FREM2: variants seen among roughly 807,000 people sequenced by gnomAD.
FREM2 encodes FRAS1-related extracellular matrix protein 2.
FREM2 carries 119 observed loss-of-function variants against 219.9 expected under a neutral mutation model. The ratio of observed to expected loss-of-function variants is 0.54; its 90% CI spans 0.47 to 0.63. FREM2 has a LOEUF of 0.63. Ranked by LOEUF, FREM2 falls within the 30% of genes least tolerant of loss-of-function variation. The pLI is 0.00. For missense variants in FREM2, 4,030 were observed against 3,993.6 expected, an observed-to-expected ratio of 1.01 and a Z score of -0.25; for synonymous variants, 1,562 against 1,522.8, an observed-to-expected ratio of 1.03 and a Z score of -0.60.
chr13:38,769,081 A>G (rs1593395496), intron 3 of FREM2, among the ~76,000 whole-genome samples: 1 of 152,328 alleles, frequency 6.6e-6, no homozygotes, highest in Non-Finnish European at 1.5e-5. Context: ...AGAGAATACT[A>G]TCACTTTTTA....
At chr13:38,821,573 G>C (rs1034201089) in intron 6 of FREM2, 2 of 151,890 alleles carry the variant, frequency 1.3e-5, no homozygotes, top group African/African-American at 4.8e-5. Flanking sequence ...TAAGAAACAG[G>C]TCTTTTTTCT....
At chr13:38,766,036 A>G (rs533052352) in intron 3 of FREM2, among the ~76,000 whole-genome samples, 2 of 152,334 alleles carry the variant, frequency 1.3e-5, no homozygotes, top group East Asian at 1.9e-4. Flanking sequence ...CATGGGGAAA[A>G]TGATAACTAA....
chr13:38,742,671 T>A (rs1410186377), intron 2 of FREM2, among the ~76,000 whole-genome samples: 1 of 152,200 alleles, frequency 6.6e-6, no homozygotes, highest in Non-Finnish European at 1.5e-5. Flanking sequence ...GGACTGTAAT[T>A]TTTTGTGGGG....
intron 15 of FREM2, 151 bp downstream of exon 15, chr13:38,861,713 G>A: frequency 1.2e-6 from 1 of 853,972 alleles, no homozygotes; most frequent in Non-Finnish European, 1.9e-6. Context: ...AACTGTTTTA[G>A]CTTTGTTCTA....
rs1869760433 is a variant in FREM2, at chr13:38,690,190, C to T, written c.2846C>T (p.Thr949Ile). ...EVPILSHPTG[T>I]LESYLDVLEN... is the part of the protein sequence containing the mutation. Reference sequence around the variant, plus strand: ...CCCATACTGAGCCATCCTACTGGCACTCTGGAGTCCTATCTAGATGTCTTA... The same window carrying T: ...CCCATACTGAGCCATCCTACTGGCATTCTGGAGTCCTATCTAGATGTCTTA... The change falls in exon 1 of 24, where the codon ACT (threonine) becomes ATT (isoleucine). Residue 949 changes from threonine (T) to isoleucine (I), a missense_variant. Coordinates refer to ENST00000280481, the MANE Select transcript of FREM2 (RefSeq NM_207361.6). 6.2e-7 allele frequency: 1 copy of T among 1,614,132 alleles called. No individual in the cohort carries two copies. The highest frequency in any genetic ancestry group is 8.5e-7 in the Non-Finnish European group (1 of 1,180,008).
intron 1 of FREM2, among the ~76,000 whole-genome samples, chr13:38,696,578 C>T (rs774100649): frequency 1.3e-5 from 2 of 152,114 alleles, no homozygotes; most frequent in African/African-American, 4.8e-5. Flanking sequence ...CTGATTGGCC[C>T]AGATCAATTA....
intron 2 of FREM2, among the ~76,000 whole-genome samples, chr13:38,720,571 G>A (rs1485306686): frequency 2.0e-5 from 3 of 152,138 alleles, no homozygotes; most frequent in Admixed American, 2.0e-4. Flanking sequence ...ATAAAATCAG[G>A]TGTCAGGCAG....
chr13:38,705,094 T>C, intron 2 of FREM2, among the ~76,000 whole-genome samples: 1 of 152,196 alleles, frequency 6.6e-6, no homozygotes, highest in East Asian at 1.9e-4. Flanking sequence ...TTCCAATTTG[T>C]GTTTTAGAAA....
Position 38,691,732 on chromosome 13 carries a change from C to A in FREM2, c.4388C>A (p.Ala1463Asp), listed in dbSNP as rs1157041915. Residue 1463 changes from alanine to aspartate, a missense_variant, in exon 1 of 24, where the codon GCT becomes GAT. Transcript: ENST00000280481. Reference protein sequence around the residue: ...DENLVFTITRAPMRGHLECTD... With the variant: ...DENLVFTITRDPMRGHLECTD... ...AACTTGGTTTTTACCATCACCAGGGCTCCCATGCGAGGTCACCTGGAATGC... is the reference window on the plus strand; with the variant it reads ...AACTTGGTTTTTACCATCACCAGGGATCCCATGCGAGGTCACCTGGAATGC... 1 of 1,613,682 alleles carries A rather than the reference C, an allele frequency of 6.2e-7. No homozygotes were observed. The highest frequency in any genetic ancestry group is 8.5e-7 in the Non-Finnish European group (1 of 1,179,590).
At chr13:38,716,134 C>T (rs570220549) in intron 2 of FREM2, among the ~76,000 whole-genome samples, 4 of 148,502 alleles carry the variant, frequency 2.7e-5, no homozygotes, top group African/African-American at 1.0e-4. Flanking sequence ...GATGAACGAG[C>T]CCCTAAAAAA....
chr13:38,721,264 G>A (rs921876799), intron 2 of FREM2, among the ~76,000 whole-genome samples: 2 of 152,158 alleles, frequency 1.3e-5, no homozygotes, highest in African/African-American at 4.8e-5. Flanking sequence ...TTGAAACTAA[G>A]TCCAGATGTC....
chr13:38,792,296 C>G (rs1414866301), intron 6 of FREM2, among the ~76,000 whole-genome samples: 1 of 152,174 alleles, frequency 6.6e-6, no homozygotes, highest in East Asian at 1.9e-4. Flanking sequence ...TTGCAGTGAG[C>G]TGAGATCACA....
intron 6 of FREM2, among the ~76,000 whole-genome samples, chr13:38,837,910 T>A (rs1417646455): frequency 1.3e-5 from 2 of 152,160 alleles, no homozygotes; most frequent in Non-Finnish European, 2.9e-5. Flanking sequence ...TGACTCTTTA[T>A]CCAATTTGCC....
In FREM2 at chr13:38,690,009, C is replaced by T. The variant is rs1248863509; in HGVS notation, c.2665C>T (p.Leu889Phe). The change falls in exon 1 of 24, where the codon CTC (leucine) becomes TTC (phenylalanine). Residue 889 changes from leucine (L) to phenylalanine (F), a missense_variant. By Grantham distance (22) the Leu-to-Phe change is conservative. Coordinates refer to ENST00000280481, the MANE Select transcript of FREM2 (RefSeq NM_207361.6). ...VSGQILHVGG[L>F]FHLEDIKQGR... ...TGGACAGATCCTGCATGTAGGGGGT[C>T]TCTTCCACTTGGAGGACATAAAACA... is the stretch of plus-strand genomic sequence containing the variant. 6.2e-7 allele frequency: 1 copy of T among 1,614,042 alleles called. No individual in the cohort carries two copies. Among genetic ancestry groups the T allele is most frequent in the Non-Finnish European group, 8.5e-7 (1 of 1,180,032 alleles).
In FREM2 at chr13:38,690,152, GGAT is replaced by G; in HGVS notation, c.2814_2816del (p.Asp938del). On this transcript the variant is annotated inframe_deletion, in exon 1 of 24. Transcript: ENST00000280481. ...CTCTCAGAGTAAATGTCCGGCCAGT[GGAT>G]GATGAAGTGCCCATACTGAGCCATC... The G allele has an allele frequency of 6.2e-7, 1 of 1,614,090 alleles. No individual in the cohort carries two copies. Among genetic ancestry groups the G allele is most frequent in the Admixed American group, 1.7e-5 (1 of 60,020 alleles).
At chr13:38,702,405 A>G (rs183775635) in intron 2 of FREM2, among the ~76,000 whole-genome samples, 120 of 152,294 alleles carry the variant, frequency 7.9e-4, no homozygotes, top group Non-Finnish European at 1.3e-3. Flanking sequence ...CAGCAGCACC[A>G]CTACTGTATT....
chr13:38,881,336 C>G lies in FREM2; in HGVS notation c.*549C>G, dbSNP rs961517411. ...TGGCTCAACCCACAAATCAACTGAT[C>G]TACTACTTGGGAGACAGTGGAAGGA... On this transcript the variant is annotated 3_prime_UTR_variant, in exon 24 of 24. Coordinates refer to ENST00000280481, the MANE Select transcript of FREM2 (RefSeq NM_207361.6). 2 of 160,014 alleles carry G rather than the reference C, an allele frequency of 1.2e-5. No homozygotes were observed. The highest frequency in any genetic ancestry group is 2.4e-5 in the African/African-American group (1 of 41,496). The allele number at this position is 160,014 out of a possible 1,614,324, so 9.9% of individuals were successfully genotyped here.
chr13:38,808,604 T>C (rs528328907), intron 6 of FREM2, among the ~76,000 whole-genome samples: 4 of 152,016 alleles, frequency 2.6e-5, no homozygotes, highest in African/African-American at 9.6e-5. Context: ...GGGAGACTAA[T>C]GGGAGAACAG....
intron 3 of FREM2, among the ~76,000 whole-genome samples, chr13:38,766,711 A>T (rs1279392214): frequency 6.6e-6 from 1 of 152,206 alleles, no homozygotes; most frequent in African/African-American, 2.4e-5. Flanking sequence ...AAAACTAATA[A>T]ACTAGATATG....
Sources: allele counts gnomAD v4.1 joint callset (sites outside exome capture counted in the v4.1 genomes callset), GRCh38; gene constraint gnomAD v4.1.1; transcripts MANE v1.5; gene names NCBI Gene and HGNC (gene_info 2026-07-23, HGNC 2026-07-21).